The following ROBO2 variants were observed in gnomAD, a reference collection of about 807,000 sequenced individuals.
ROBO2 encodes roundabout guidance receptor 2, also known as roundabout homolog 2.
Under a neutral mutation model 160.8 loss-of-function variants are expected in ROBO2, and 53 were observed. That is an observed-to-expected ratio of 0.33 (90% CI 0.26 to 0.41). The LOEUF is 0.41. Among genes scored for constraint, ROBO2 ranks in the 10% least tolerant of loss-of-function variants. The probability of loss-of-function intolerance (pLI) is 1.00; values close to 1 mark genes in which losing one functional copy is unlikely to be tolerated. For synonymous variants in ROBO2, 664 were observed against 611.7 expected (o/e 1.09, Z -1.26); for missense variants, 1,577 against 1,722.4 (o/e 0.92, Z 1.49).
intron 2 of ROBO2, among the ~76,000 whole-genome samples, chr3:76,774,525 T>C (rs1023421167): frequency 2.0e-5 from 3 of 150,880 alleles, no homozygotes; most frequent in East Asian, 2.0e-4. Flanking sequence ...AAAAACCTGA[T>C]AGAAAGCATG....
At chr3:76,794,358 C>A (rs1354075971) in intron 2 of ROBO2, among the ~76,000 whole-genome samples, 2 of 151,850 alleles carry the variant, frequency 1.3e-5, no homozygotes, top group South Asian at 2.1e-4. Context: ...GAAACACTTG[C>A]ATTTTATCCT....
chr3:77,121,094 G>A (rs1220096938), intron 2 of ROBO2, among the ~76,000 whole-genome samples: 1 of 151,914 alleles, frequency 6.6e-6, no homozygotes. Context: ...ACAGGCACCT[G>A]CCACCATGCG....
intron 2 of ROBO2, among the ~76,000 whole-genome samples, chr3:76,525,305 G>A (rs1333485581): frequency 6.6e-6 from 1 of 151,798 alleles, no homozygotes; most frequent in Non-Finnish European, 1.5e-5. Flanking sequence ...ATGATAAGAT[G>A]AAGGATGATC....
intron 2 of ROBO2, among the ~76,000 whole-genome samples, chr3:76,687,259 G>A (rs2092704824): frequency 6.6e-6 from 1 of 152,034 alleles, no homozygotes; most frequent in African/African-American, 2.4e-5. Context: ...TACTGGCCAT[G>A]TGACATTGGA....
At chr3:75,978,947 A>C (rs2107429941) in intron 2 of ROBO2, among the ~76,000 whole-genome samples, 1 of 151,522 alleles carries the variant, frequency 6.6e-6, no homozygotes, top group East Asian at 2.0e-4. Context: ...CCACCATGAG[A>C]TCATACCCGG....
chr3:77,504,879 T>G (rs1456198008), intron 5 of ROBO2, among the ~76,000 whole-genome samples: 2 of 152,192 alleles, frequency 1.3e-5, no homozygotes, highest in Non-Finnish European at 2.9e-5. Context: ...AGATAGTCTA[T>G]TCCTATATGA....
intron 2 of ROBO2, among the ~76,000 whole-genome samples, chr3:76,884,227 C>T (rs1180279592): frequency 6.6e-6 from 1 of 151,990 alleles, no homozygotes; most frequent in Non-Finnish European, 1.5e-5. Context: ...TCCCCTTTTT[C>T]AGTTAATGAA....
intron 2 of ROBO2, among the ~76,000 whole-genome samples, chr3:76,218,762 C>T (rs935245349): frequency 1.1e-4 from 16 of 151,690 alleles, no homozygotes; most frequent in Non-Finnish European, 2.4e-4. Context: ...AGATTCAATG[C>T]CATCCCCATC....
intron 2 of ROBO2, among the ~76,000 whole-genome samples, chr3:76,499,167 G>A (rs2080324753): frequency 6.6e-6 from 1 of 152,098 alleles, no homozygotes; most frequent in African/African-American, 2.4e-5. Flanking sequence ...CCTTATTGGA[G>A]GGATGATATT....
chr3:76,752,391 A>G (rs1346309189), intron 2 of ROBO2, among the ~76,000 whole-genome samples: 1 of 151,852 alleles, frequency 6.6e-6, no homozygotes, highest in Non-Finnish European at 1.5e-5. Flanking sequence ...ATACATATGT[A>G]ACAAACCACG....
rs139185317 is a variant in ROBO2 at position 76,482,249 on chromosome 3, C to G, written c.109+544647C>G. Among the ~76,000 whole-genome samples the G allele has an allele frequency of 4.1e-3, 625 of 152,128 alleles. 6 individuals carry two copies. The highest frequency in any genetic ancestry group is 0.014 in the African/African-American group (601 of 41,542). On this transcript the variant is annotated intron_variant, in intron 2 of 26. Coordinates refer to the ROBO2 transcript ENST00000487694. ...ATGGAACAATTAAATATTTCCATTT[C>G]AGAAAAACTGACACAATATGATTGA... is the stretch of plus-strand genomic sequence containing the variant.
At chr3:76,370,087 G>C (rs1041740037) in intron 2 of ROBO2, among the ~76,000 whole-genome samples, 2 of 151,904 alleles carry the variant, frequency 1.3e-5, no homozygotes, top group African/African-American at 4.8e-5. Context: ...ATATTACAGA[G>C]AGCTTTGCAT....
chr3:76,644,261 A>T (rs13082918), intron 2 of ROBO2, among the ~76,000 whole-genome samples: 30,975 of 152,130 alleles, frequency 0.2, 3,305 homozygotes, highest in Middle Eastern at 0.23. Context: ...ACATTTGAAA[A>T]GCAAGTGGTG....
intron 2 of ROBO2, among the ~76,000 whole-genome samples, chr3:76,777,800 A>G (rs564437702): frequency 4.0e-5 from 6 of 151,200 alleles, no homozygotes; most frequent in African/African-American, 1.4e-4. Context: ...GAAAAGATCA[A>G]CTACATCTAG....
At chr3:75,966,991 C>T (rs1324718450) in intron 2 of ROBO2, among the ~76,000 whole-genome samples, 1 of 151,534 alleles carries the variant, frequency 6.6e-6, no homozygotes, top group African/African-American at 2.4e-5. Flanking sequence ...TCTTTGATTT[C>T]CACAATGTGT....
chr3:75,969,082 T>C (rs1257834392), intron 2 of ROBO2, among the ~76,000 whole-genome samples: 1 of 150,574 alleles, frequency 6.6e-6, no homozygotes, highest in East Asian at 2.0e-4. Flanking sequence ...TCCAGGTTCA[T>C]CCATATCATC....
intron 2 of ROBO2, among the ~76,000 whole-genome samples, chr3:76,407,390 G>A (rs929305736): frequency 6.6e-6 from 1 of 151,974 alleles, no homozygotes; most frequent in Non-Finnish European, 1.5e-5. Flanking sequence ...AGATAGGAAT[G>A]GGAACTGTCA....
At chr3:76,729,167 A>G (rs1036731379) in intron 2 of ROBO2, among the ~76,000 whole-genome samples, 3 of 152,038 alleles carry the variant, frequency 2.0e-5, no homozygotes, top group Non-Finnish European at 2.9e-5. Context: ...ATCCAGAGTC[A>G]TTTTCAGTTC....
chr3:76,108,646 T>G (rs1379214077), intron 2 of ROBO2, among the ~76,000 whole-genome samples: 1 of 151,696 alleles, frequency 6.6e-6, no homozygotes, highest in Non-Finnish European at 1.5e-5. Context: ...AATGAAGAAG[T>G]GAGAATAATA....
Sources: allele counts gnomAD v4.1 joint callset (sites outside exome capture counted in the v4.1 genomes callset), GRCh38; gene constraint gnomAD v4.1.1; transcripts MANE v1.5; gene names NCBI Gene and HGNC (gene_info 2026-07-23, HGNC 2026-07-21).